DGKG: variants seen among roughly 807,000 people sequenced by gnomAD.
DGKG encodes the protein diacylglycerol kinase gamma.
In DGKG, 78 loss-of-function variants were observed where a neutral mutation model predicts 105.3. That is an observed-to-expected ratio of 0.74 (90% CI 0.62 to 0.89). DGKG has a LOEUF of 0.89. DGKG is among the 40% of genes least tolerant of loss of function. The pLI is 0.00. For synonymous variants in DGKG, 346 were observed against 367.1 expected, an observed-to-expected ratio of 0.94 and a Z score of 0.66; for missense variants, 958 against 1,020.1, an observed-to-expected ratio of 0.94 and a Z score of 0.83.
At chr3:186,302,019 A>G (rs1723945455) in intron 3 of DGKG, among the ~76,000 whole-genome samples, 1 of 152,038 alleles carries the variant, frequency 6.6e-6, no homozygotes, top group Non-Finnish European at 1.5e-5. Flanking sequence ...CCATCTCTAC[A>G]TGTTCAAGTT....
At chr3:186,170,132 C>T (rs906821417) in intron 22 of DGKG, among the ~76,000 whole-genome samples, 10 of 152,114 alleles carry the variant, frequency 6.6e-5, no homozygotes, top group African/African-American at 2.4e-4. Flanking sequence ...CTTTGCTGAG[C>T]GTTAGAATGA....
chr3:186,189,812 A>C (rs1380042863), intron 21 of DGKG, among the ~76,000 whole-genome samples: 2 of 152,126 alleles, frequency 1.3e-5, no homozygotes, highest in Non-Finnish European at 2.9e-5. Context: ...AAGTTCTGAT[A>C]ATTTGAGAGG....
At chr3:186,336,769 G>A (rs1222049354) in intron 1 of DGKG, among the ~76,000 whole-genome samples, 2 of 151,942 alleles carry the variant, frequency 1.3e-5, no homozygotes, top group East Asian at 3.9e-4. Context: ...AGGAGGGAGA[G>A]GAAGAAGAAG....
intron 20 of DGKG, among the ~76,000 whole-genome samples, chr3:186,225,276 T>A (rs1012281950): frequency 3.9e-5 from 6 of 151,968 alleles, no homozygotes; most frequent in Admixed American, 6.6e-5. Flanking sequence ...CCTGAATCAT[T>A]TTTTTTAATG....
chr3:186,318,155 T>C (rs1192183053), intron 2 of DGKG, among the ~76,000 whole-genome samples: 1 of 152,190 alleles, frequency 6.6e-6, no homozygotes, highest in African/African-American at 2.4e-5. Context: ...CAAGGCACCC[T>C]GCACACAGTC....
intron 2 of DGKG, 108 bp from the exon 3 acceptor site, chr3:186,307,085 C>A (rs1724280990): frequency 2.7e-6 from 2 of 742,132 alleles, no homozygotes; most frequent in South Asian, 1.6e-5. Flanking sequence ...GCCCCTCAGT[C>A]CCAGAAAATC....
At chr3:186,272,832 C>T (rs955733470) in intron 10 of DGKG, among the ~76,000 whole-genome samples, 1 of 152,216 alleles carries the variant, frequency 6.6e-6, no homozygotes, top group Non-Finnish European at 1.5e-5. Context: ...GATTCTCCTG[C>T]CTCAGCCTCC....
chr3:186,194,293 C>T (rs1718062757), intron 21 of DGKG, among the ~76,000 whole-genome samples: 1 of 152,248 alleles, frequency 6.6e-6, no homozygotes. Flanking sequence ...ATGTCTCGAT[C>T]CCTACAATCA....
chr3:186,345,808 C>T (rs1163374196), intron 1 of DGKG, among the ~76,000 whole-genome samples: 2 of 152,196 alleles, frequency 1.3e-5, no homozygotes, highest in Admixed American at 6.5e-5. Flanking sequence ...CTCGCTCTGT[C>T]GCCCAGGCTG....
Position 186,211,818 on chromosome 3 carries a change from G to A in DGKG, c.1894C>T (p.Leu632Phe). ...ACCTCCAACTCAATGTGGTCGTGGAGTTTCTTGCAGGTCGCTGCAAAAGTC... is the reference window on the plus strand; with the variant it reads ...ACCTCCAACTCAATGTGGTCGTGGAATTTCTTGCAGGTCGCTGCAAAAGTC... ...SETFAATCKK[L>F]HDHIELECDG... The change falls in exon 21 of 25, where the codon CTC (leucine) becomes TTC (phenylalanine). Residue 632 changes from leucine (L) to phenylalanine (F), a missense_variant. By Grantham distance (22) the Leu-to-Phe change is conservative. Around this residue, in one of 2 missense-constraint regions of DGKG, gnomAD observed 315 missense variants for 400.6 expected, o/e 0.79. Transcript: ENST00000265022. 6.2e-7 allele frequency: 1 copy of A among 1,614,214 alleles called. No homozygotes were observed. Among genetic ancestry groups the A allele is most frequent in the Non-Finnish European group, 8.5e-7 (1 of 1,180,014 alleles).
At chr3:186,161,397 T>C in intron 24 of DGKG, 2 of 1,412,674 alleles carry the variant, frequency 1.4e-6, no homozygotes, top group South Asian at 3.0e-5. Flanking sequence ...TGACCGGCGC[T>C]TCACAGTGTC....
chr3:186,323,216 G>A (rs368987979), intron 1 of DGKG, among the ~76,000 whole-genome samples: 2 of 152,108 alleles, frequency 1.3e-5, no homozygotes, highest in East Asian at 1.9e-4. Flanking sequence ...GATCTGGCTC[G>A]TGATGATCAA....
intron 21 of DGKG, 141 bp downstream of exon 21, chr3:186,211,653 GT>G: frequency 1.6e-6 from 1 of 641,750 alleles, no homozygotes; most frequent in Non-Finnish European, 2.8e-6. Flanking sequence ...GTATGGAGGT[GT>G]TTTGGAACAG....
At chr3:186,158,962 CT>C in intron 24 of DGKG, 1 of 386,540 alleles carries the variant, frequency 2.6e-6, no homozygotes, top group Non-Finnish European at 3.5e-6. Context: ...CTTTTAATTT[CT>C]TTATACCTGA....
At chr3:186,297,540 G>T (rs544730032) in intron 4 of DGKG, 57 bp from the exon 5 acceptor site, 51 of 1,228,260 alleles carry the variant, frequency 4.2e-5, no homozygotes, top group Admixed American at 1.0e-4. Context: ...TTCTTGGAAG[G>T]GCAGGTACAG....
chr3:186,295,638 T>TAAAAAAAA lies in DGKG; in HGVS notation c.373+1775_373+1782dup, dbSNP rs34829528. On this transcript the variant is annotated intron_variant, in intron 5 of 24. Transcript: ENST00000265022. Reference sequence around the variant, plus strand: ...TTTTCAATAAAATGATAATGCACAGTAAAAAAAAAAAAAAAAAAAAAAGGT... The same window carrying TAAAAAAAA: ...TTTTCAATAAAATGATAATGCACAGTAAAAAAAAAAAAAAAAAAAAAAAAAAAAAAGGT... Among the ~76,000 whole-genome samples, 39 of 84,508 alleles carry TAAAAAAAA rather than the reference T, an allele frequency of 4.6e-4. 1 individual carries two copies. In the South Asian group the frequency reaches 0.017, roughly 36 times the overall value. The allele number at this position is 84,508 out of a possible 152,430, so 55.4% of individuals were successfully genotyped here. A position where few individuals can be genotyped will look rare whatever the true frequency, so the allele number is the denominator to read the frequency against.
intron 5 of DGKG, among the ~76,000 whole-genome samples, chr3:186,294,860 C>T (rs1329091393): frequency 6.6e-6 from 1 of 152,154 alleles, no homozygotes; most frequent in Admixed American, 6.5e-5. Flanking sequence ...GACGAGCCAG[C>T]AATTTTGTGG....
chr3:186,315,687 C>T (rs567302730), intron 2 of DGKG, among the ~76,000 whole-genome samples: 70 of 152,176 alleles, frequency 4.6e-4, no homozygotes, highest in South Asian at 1.2e-3. Context: ...TCTCTGCAAC[C>T]GCTAACAGCT....
chr3:186,266,619 A>G (rs1331559583), intron 13 of DGKG, among the ~76,000 whole-genome samples: 1 of 152,000 alleles, frequency 6.6e-6, no homozygotes, highest in Non-Finnish European at 1.5e-5. Context: ...TATTTTTGAG[A>G]CAGAGTCTCA....
Sources: allele counts gnomAD v4.1 joint callset (sites outside exome capture counted in the v4.1 genomes callset), GRCh38; gene constraint gnomAD v4.1.1; regional missense constraint gnomAD v4.1.1; transcripts MANE v1.5; gene names NCBI Gene and HGNC (gene_info 2026-07-23, HGNC 2026-07-21).